The following CFAP61 variants were observed in gnomAD, a reference collection of about 807,000 sequenced individuals.
The protein encoded by CFAP61 is cilia- and flagella-associated protein 61.
A neutral mutation model predicts 135.6 loss-of-function variants in CFAP61; 107 were observed. The observed-to-expected ratio is 0.79, with a 90% CI of 0.67 to 0.93. CFAP61 has a LOEUF of 0.93. Ranked by LOEUF, CFAP61 falls within the 40% of genes least tolerant of loss-of-function variation. CFAP61 has a pLI of 0.00. For missense variants in CFAP61, 1,507 were observed against 1,556.2 expected (o/e 0.97, Z 0.53); for synonymous variants, 575 against 578.5 (o/e 0.99, Z 0.09).
At chr20:20,064,273 A>G (rs1321655145) in intron 2 of CFAP61, among the ~76,000 whole-genome samples, 1 of 152,170 alleles carries the variant, frequency 6.6e-6, no homozygotes, top group Non-Finnish European at 1.5e-5. Flanking sequence ...TTCCATTTTC[A>G]CAATTTCACG....
chr20:20,252,573 T>C (rs2051028114), intron 20 of CFAP61, among the ~76,000 whole-genome samples: 1 of 152,214 alleles, frequency 6.6e-6, no homozygotes, highest in Non-Finnish European at 1.5e-5. Flanking sequence ...TTCTTCAGCT[T>C]ATCAGCTATC....
At chr20:20,322,954 G>A (rs2122260267) in intron 25 of CFAP61, 1 of 985,386 alleles carries the variant, frequency 1.0e-6, no homozygotes. Flanking sequence ...GGTTTCCAGG[G>A]TTGAGACTGT....
chr20:20,222,951 G>A (rs183473063), intron 17 of CFAP61, among the ~76,000 whole-genome samples: 9 of 152,234 alleles, frequency 5.9e-5, no homozygotes, highest in East Asian at 1.9e-4. Context: ...GGCTTATTAC[G>A]GATTTCAGAA....
At chr20:20,258,762 C>T (rs1367566585) in intron 20 of CFAP61, among the ~76,000 whole-genome samples, 1 of 152,166 alleles carries the variant, frequency 6.6e-6, no homozygotes, top group Non-Finnish European at 1.5e-5. Context: ...GGGAGAGCAC[C>T]TGACTGCCGT....
At chr20:20,230,960 C>T (rs1354148640) in intron 18 of CFAP61, among the ~76,000 whole-genome samples, 1 of 152,230 alleles carries the variant, frequency 6.6e-6, no homozygotes, top group Non-Finnish European at 1.5e-5. Context: ...TCCAGAAAAT[C>T]TGGTAATTCT....
chr20:20,335,762 G>A (rs1012988919), intron 25 of CFAP61, among the ~76,000 whole-genome samples: 1 of 152,170 alleles, frequency 6.6e-6, no homozygotes, highest in Admixed American at 6.5e-5. Flanking sequence ...GAAACTTTCT[G>A]TAATTTCAAT....
chr20:20,169,437 C>T lies in CFAP61; in HGVS notation c.1362C>T (p.Val454=), dbSNP rs1197810054. The change falls in exon 13 of 27, where the codon GTC becomes GTT. Residue 454 remains valine (V), a synonymous_variant. Transcript: ENST00000245957. ...NTCTLEQDLY[V]FHRAGLLKSI... is the part of the protein sequence containing the mutation. ...GCACCCTCGAGCAGGACCTCTACGT[C>T]TTCCACCGGGCTGGATTGCTCAAGT... 6.2e-7 allele frequency: 1 copy of T among 1,613,740 alleles called. No homozygotes were observed. The highest frequency in any genetic ancestry group is 8.5e-7 in the Non-Finnish European group (1 of 1,179,768).
chr20:20,229,324 G>T (rs1219179170), intron 18 of CFAP61, among the ~76,000 whole-genome samples: 1 of 152,054 alleles, frequency 6.6e-6, no homozygotes, highest in African/African-American at 2.4e-5. Flanking sequence ...TCTCAAACTC[G>T]CTATCTTCAT....
intron 8 of CFAP61, among the ~76,000 whole-genome samples, chr20:20,110,829 T>A (rs905125681): frequency 6.6e-5 from 10 of 152,194 alleles, no homozygotes; most frequent in Non-Finnish European, 1.5e-4. Context: ...GAAGTTCATG[T>A]CAAGCCATCT....
At chr20:20,211,111 A>G (rs2047602729) in intron 17 of CFAP61, among the ~76,000 whole-genome samples, 2 of 152,210 alleles carry the variant, frequency 1.3e-5, no homozygotes, top group South Asian at 2.1e-4. Context: ...TCCTAAAGCA[A>G]TTTGAGTTTG....
At chr20:20,197,146 G>T (rs2056346589) in intron 16 of CFAP61, among the ~76,000 whole-genome samples, 1 of 152,148 alleles carries the variant, frequency 6.6e-6, no homozygotes, top group Non-Finnish European at 1.5e-5. Context: ...GAACATTTCA[G>T]TGATGAATCC....
At chr20:20,337,028 TCTC>T (rs2058220604) in intron 25 of CFAP61, among the ~76,000 whole-genome samples, 1 of 152,192 alleles carries the variant, frequency 6.6e-6, no homozygotes, top group Admixed American at 6.5e-5. Flanking sequence ...CCCTAGGTCT[TCTC>T]CTTCCTTGCA....
chr20:20,151,515 T>G (rs908648276), intron 9 of CFAP61, among the ~76,000 whole-genome samples: 3 of 151,866 alleles, frequency 2.0e-5, no homozygotes, highest in African/African-American at 7.3e-5. Flanking sequence ...TCACTAGAGA[T>G]CTAGACATCC....
intron 26 of CFAP61, among the ~76,000 whole-genome samples, chr20:20,346,226 G>A (rs1283348151): frequency 1.3e-5 from 2 of 148,786 alleles, no homozygotes; most frequent in Non-Finnish European, 3.0e-5. Flanking sequence ...GTCCAGCCTG[G>A]GAGACAAGAG....
At chr20:20,309,141 G>A (rs1049214731) in intron 25 of CFAP61, among the ~76,000 whole-genome samples, 4 of 152,118 alleles carry the variant, frequency 2.6e-5, no homozygotes, top group African/African-American at 9.7e-5. Context: ...GGATTCACAG[G>A]TGCAGCATTC....
chr20:20,172,218 T>C, intron 13 of CFAP61: 1 of 970,992 alleles, frequency 1.0e-6, no homozygotes, highest in Non-Finnish European at 1.2e-6. Flanking sequence ...TCAGTAACCT[T>C]ATATGCCTCT....
chr20:20,212,038 A>G (rs979614455), intron 17 of CFAP61, among the ~76,000 whole-genome samples: 7 of 152,222 alleles, frequency 4.6e-5, no homozygotes, highest in African/African-American at 1.7e-4. Context: ...ACAATGTCCC[A>G]TAGAATTATA....
intron 18 of CFAP61, among the ~76,000 whole-genome samples, chr20:20,236,064 G>T (rs941029487): frequency 6.6e-6 from 1 of 152,098 alleles, no homozygotes; most frequent in Non-Finnish European, 1.5e-5. Context: ...TTTATTTTAA[G>T]AACTTGTGGT....
chr20:20,270,411 T>A (rs140273421), intron 21 of CFAP61, among the ~76,000 whole-genome samples: 35 of 152,334 alleles, frequency 2.3e-4, no homozygotes, highest in Admixed American at 1.2e-3. Flanking sequence ...CTTTTTAGCA[T>A]CTACTAAAAA....
Sources: allele counts gnomAD v4.1 joint callset (sites outside exome capture counted in the v4.1 genomes callset), GRCh38; gene constraint gnomAD v4.1.1; transcripts MANE v1.5; gene names NCBI Gene and HGNC (gene_info 2026-07-23, HGNC 2026-07-21).